The following ZMAT4 variants were observed in gnomAD, a reference collection of about 807,000 sequenced individuals.
The protein encoded by ZMAT4 is zinc finger matrin-type protein 4.
ZMAT4 carries 17 observed loss-of-function variants against 28.7 expected under a neutral mutation model. The observed-to-expected ratio is 0.59, with a 90% confidence interval of 0.41 to 0.89. The LOEUF (loss-of-function observed/expected upper bound fraction) is 0.89, where lower values mean the gene tolerates loss of function less well. Among genes scored for constraint, ZMAT4 ranks in the 40% least tolerant of loss-of-function variants. The pLI is 0.00. For missense variants in ZMAT4, 240 were observed against 283.8 expected (o/e 0.85, Z 1.11); for synonymous variants, 117 against 109.2 (o/e 1.07, Z -0.44).
intron 5 of ZMAT4, among the ~76,000 whole-genome samples, chr8:40,605,547 C>T (rs1013007098): frequency 1.3e-5 from 2 of 152,016 alleles, no homozygotes; most frequent in African/African-American, 4.8e-5. Context: ...TGAGAGAGTA[C>T]TTATAATTTT....
At chr8:40,786,844 G>A (rs1180721264) in intron 2 of ZMAT4, 3 of 785,650 alleles carry the variant, frequency 3.8e-6, no homozygotes, top group African/African-American at 3.6e-5. Context: ...GCATTTCACT[G>A]AAGGCTGTTC....
At chr8:40,568,293 G>A (rs571886596) in intron 6 of ZMAT4, among the ~76,000 whole-genome samples, 16 of 152,208 alleles carry the variant, frequency 1.1e-4, no homozygotes, top group African/African-American at 2.4e-4. Context: ...CATTTCTTCC[G>A]AGAGTGCAGG....
chr8:40,801,115 C>A (rs1387071025), intron 2 of ZMAT4, among the ~76,000 whole-genome samples: 2 of 151,342 alleles, frequency 1.3e-5, no homozygotes, highest in South Asian at 4.2e-4. Flanking sequence ...AATTTAATAA[C>A]CTAGATGAAA....
intron 5 of ZMAT4, among the ~76,000 whole-genome samples, chr8:40,590,351 A>G (rs1477614941): frequency 6.6e-6 from 1 of 151,686 alleles, no homozygotes; most frequent in South Asian, 2.1e-4. Context: ...TCTTAAATAC[A>G]GCTGAATTCT....
intron 3 of ZMAT4, among the ~76,000 whole-genome samples, chr8:40,756,624 AGTGTGTGTGTGT>A (rs58686349): frequency 0.38 from 52,761 of 138,936 alleles, 10,519 homozygotes; most frequent in Middle Eastern, 0.49. Flanking sequence ...TATGTTTGTA[AGTGTGTGTGTGT>A]GTGTGTGTGT....
At chr8:40,810,952 C>T (rs1208286986) in intron 2 of ZMAT4, among the ~76,000 whole-genome samples, 1 of 151,940 alleles carries the variant, frequency 6.6e-6, no homozygotes, top group Non-Finnish European at 1.5e-5. Context: ...TAAGAAAATA[C>T]AATTTAAAAT....
At chr8:40,721,248 G>A (rs865943462) in intron 3 of ZMAT4, among the ~76,000 whole-genome samples, 2 of 143,762 alleles carry the variant, frequency 1.4e-5, no homozygotes, top group Admixed American at 7.1e-5. Flanking sequence ...TTGTTCTTGC[G>A]ATAGTTTACT....
chr8:40,615,542 C>T (rs931671627), intron 5 of ZMAT4, among the ~76,000 whole-genome samples: 1 of 152,214 alleles, frequency 6.6e-6, no homozygotes, highest in Admixed American at 6.5e-5. Context: ...GTTCCATTCT[C>T]CCCGTCACTG....
chr8:40,664,508 C>T (rs186277543), intron 5 of ZMAT4, among the ~76,000 whole-genome samples: 19 of 152,314 alleles, frequency 1.2e-4, no homozygotes, highest in Admixed American at 8.5e-4. Flanking sequence ...CTGTCCTGCC[C>T]TCTGCAATGC....
At chr8:40,818,454 C>G (rs1815628160) in intron 2 of ZMAT4, among the ~76,000 whole-genome samples, 1 of 152,122 alleles carries the variant, frequency 6.6e-6, no homozygotes, top group Admixed American at 6.5e-5. Context: ...TGTAGTAAGT[C>G]CTAGGATATT....
intron 4 of ZMAT4, among the ~76,000 whole-genome samples, chr8:40,690,527 T>A (rs780580381): frequency 1.3e-5 from 2 of 152,202 alleles, no homozygotes; most frequent in Admixed American, 6.5e-5. Context: ...TGACAAACTA[T>A]TGTTTGCATC....
intron 2 of ZMAT4, among the ~76,000 whole-genome samples, chr8:40,790,701 A>T (rs1489895446): frequency 2.0e-5 from 3 of 152,238 alleles, no homozygotes; most frequent in Non-Finnish European, 4.4e-5. Flanking sequence ...TAAGATGTCA[A>T]TTATCTGACA....
At chr8:40,894,466 A>T (rs1464980825) in intron 1 of ZMAT4, among the ~76,000 whole-genome samples, 2 of 152,084 alleles carry the variant, frequency 1.3e-5, no homozygotes, top group Non-Finnish European at 2.9e-5. Flanking sequence ...CAGGAAAGAG[A>T]GGTAACCCTA....
chr8:40,829,376 C>T (rs762326514), intron 1 of ZMAT4, among the ~76,000 whole-genome samples: 3 of 152,186 alleles, frequency 2.0e-5, no homozygotes, highest in Non-Finnish European at 4.4e-5. Flanking sequence ...GGTAAGAGGC[C>T]TCCACCCGAT....
chr8:40,685,033 T>G (rs1809338480), intron 4 of ZMAT4, among the ~76,000 whole-genome samples: 2 of 152,228 alleles, frequency 1.3e-5, no homozygotes. Context: ...GTTTTGTATT[T>G]AAATGATGAA....
At chr8:40,674,198 G>A (rs970553628) in intron 5 of ZMAT4, among the ~76,000 whole-genome samples, 8 of 148,174 alleles carry the variant, frequency 5.4e-5, no homozygotes, top group African/African-American at 1.2e-4. Context: ...GGGTTCAAGC[G>A]ATTCTCCTGC....
rs149183846 is a variant in ZMAT4 at position 40,890,909 on chromosome 8, C to T, written c.-5+6774G>A. Among the ~76,000 whole-genome samples the T allele has an allele frequency of 6.2e-3, 944 of 152,058 alleles. 4 individuals carry two copies. Among genetic ancestry groups the T allele is most frequent in the Middle Eastern group, 0.021 (6 of 292 alleles). On this transcript the variant is annotated intron_variant, in intron 1 of 6. Transcript: ENST00000297737. ...ACCTATTCAAGCCTCAGGTCCCATTCAGGTGTTCCTCACTCCCAGCGGCTC... is the reference window on the plus strand; with the variant it reads ...ACCTATTCAAGCCTCAGGTCCCATTTAGGTGTTCCTCACTCCCAGCGGCTC...
chr8:40,577,052 G>T (rs937454410), intron 6 of ZMAT4, among the ~76,000 whole-genome samples: 1 of 152,128 alleles, frequency 6.6e-6, no homozygotes, highest in African/African-American at 2.4e-5. Context: ...AAATTAGCCA[G>T]GCATTATGGT....
chr8:40,888,182 C>A (rs1402752818), intron 1 of ZMAT4, among the ~76,000 whole-genome samples: 2 of 152,228 alleles, frequency 1.3e-5, no homozygotes, highest in East Asian at 1.9e-4. Context: ...CTACTCCACA[C>A]CCCTCCTTCT....
Sources: gnomAD v4.1 joint callset for allele counts (sites outside exome capture counted in the v4.1 genomes callset) on GRCh38, gnomAD v4.1.1 for gene constraint, MANE v1.5 for transcripts, NCBI Gene and HGNC (gene_info 2026-07-23, HGNC 2026-07-21) for gene names.